CYP46A1: variants seen among roughly 807,000 people sequenced by gnomAD.
The protein encoded by CYP46A1 is cytochrome P450 family 46 subfamily A member 1.
Under a neutral mutation model 63.3 loss-of-function variants are expected in CYP46A1, and 20 were observed. The observed-to-expected ratio is 0.32, with a 90% CI of 0.22 to 0.46. CYP46A1 has a LOEUF of 0.46. CYP46A1 is among the 20% of genes least tolerant of loss of function. CYP46A1 has a pLI of 1.00. For synonymous variants in CYP46A1, 268 were observed against 273.6 expected, an observed-to-expected ratio of 0.98 and a Z score of 0.20; for missense variants, 445 against 670.8, an observed-to-expected ratio of 0.66 and a Z score of 3.72.
At chr14:99,696,850 T>G (rs538816917) in intron 3 of CYP46A1, among the ~76,000 whole-genome samples, 3 of 152,378 alleles carry the variant, frequency 2.0e-5, no homozygotes, top group African/African-American at 7.2e-5. Context: ...CTTTAGAGAT[T>G]CTTTGACTTC....
At position 99,700,489 on chromosome 14, in the gene CYP46A1, G is replaced by A. The variant is rs905469817; in HGVS notation, c.443+388G>A. ...GTTGTGCTTTGTATAACGATGTTTC[G>A]GTCAACGATGGAATGCATATGTGAC... is the stretch of plus-strand genomic sequence containing the variant. On this transcript the variant is annotated intron_variant, in intron 5 of 14. Transcript: ENST00000261835. Among the ~76,000 whole-genome samples the A allele has an allele frequency of 5.3e-5, 8 of 152,100 alleles. No homozygotes were observed. In the East Asian group the frequency reaches 7.7e-4, roughly 15 times the overall value.
intron 3 of CYP46A1, among the ~76,000 whole-genome samples, chr14:99,699,065 A>G (rs1045401915): frequency 2.0e-5 from 3 of 151,874 alleles, no homozygotes; most frequent in Non-Finnish European, 2.9e-5. Flanking sequence ...ATGTGTGCCA[A>G]GTGCCCTTCC....
At chr14:99,715,420 C>G (rs1414235358) in intron 7 of CYP46A1, among the ~76,000 whole-genome samples, 1 of 152,172 alleles carries the variant, frequency 6.6e-6, no homozygotes, top group African/African-American at 2.4e-5. Flanking sequence ...GGGACTTCGG[C>G]CCCTGAGCTT....
chr14:99,706,733 C>T lies in CYP46A1; in HGVS notation c.530C>T (p.Pro177Leu). The change falls in exon 6 of 15, where the codon CCA (proline) becomes CTA (leucine). Residue 177 changes from proline (P) to leucine (L), a missense_variant. Physicochemically the swap from Pro to Leu is moderately conservative, Grantham distance 98. Coordinates refer to ENST00000261835, the MANE Select transcript of CYP46A1 (RefSeq NM_006668.2). ...ILEAKADGQTPVSMQDMLTYT... is the reference protein window; with the variant it reads ...ILEAKADGQTLVSMQDMLTYT... ...GAAGCCAAGGCAGATGGGCAGACCC[C>T]AGTGTCCATGCAGGACATGCTGACC... 1 of 1,613,656 alleles carries T rather than the reference C, an allele frequency of 6.2e-7. No homozygotes were observed. Among genetic ancestry groups the T allele is most frequent in the Non-Finnish European group, 8.5e-7 (1 of 1,179,986 alleles).
chr14:99,710,155 G>C (rs544706436), intron 7 of CYP46A1: 1 of 152,214 alleles, frequency 6.6e-6, no homozygotes, highest in Admixed American at 6.5e-5. Flanking sequence ...CCCACTGATA[G>C]GGCAGATCAG....
Position 99,725,510 on chromosome 14 carries a change from G to A in CYP46A1, c.1265+31G>A. 1 of 1,548,056 alleles carries A rather than the reference G, an allele frequency of 6.5e-7. No individual in the cohort carries two copies. On this transcript the variant is annotated intron_variant, in intron 13 of 14. Coordinates refer to ENST00000261835, the MANE Select transcript of CYP46A1 (RefSeq NM_006668.2). The surrounding 1 kb of genome is among the most constrained non-coding windows in gnomAD (Gnocchi z 4.2). ...TCCCTCCTGGAGCTGCCCATGAGTG[G>A]GGCTGGCGGGAGAAGGACAGACACA... is the stretch of plus-strand genomic sequence containing the variant.
chr14:99,715,214 C>T (rs1217063398), intron 7 of CYP46A1, among the ~76,000 whole-genome samples: 1 of 152,164 alleles, frequency 6.6e-6, no homozygotes, highest in Non-Finnish European at 1.5e-5. Flanking sequence ...TTGACCATTG[C>T]ACATTGTATT....
intron 6 of CYP46A1, 81 bp downstream of exon 6, chr14:99,706,866 CTT>C: frequency 6.7e-7 from 1 of 1,498,406 alleles, no homozygotes. Flanking sequence ...TCCCTTCTCT[CTT>C]CCCCTCCCTC....
Position 99,722,827 on chromosome 14 carries a change from C to A in CYP46A1, c.1176+761C>A. 1 of 420,800 alleles carries A rather than the reference C, an allele frequency of 2.4e-6. No homozygotes were observed. The highest frequency in any genetic ancestry group is 4.9e-6 in the Non-Finnish European group (1 of 202,032). The allele number at this position is 420,800 out of a possible 1,614,324, so 26.1% of individuals were successfully genotyped here. A position where few individuals can be genotyped will look rare whatever the true frequency, so the allele number is the denominator to read the frequency against. On this transcript the variant is annotated intron_variant, in intron 12 of 14. Coordinates refer to ENST00000261835, the MANE Select transcript of CYP46A1 (RefSeq NM_006668.2). The surrounding 1 kb of genome is among the most constrained non-coding windows in gnomAD (Gnocchi z 4.6). ...CAGGTGACAGGCATTTGAGAGGTGT[C>A]CAGTTTGTCCCTATCTCGAGCACCA... is the stretch of plus-strand genomic sequence containing the variant.
Position 99,706,757 on chromosome 14 carries a change from C to T in CYP46A1, c.554C>T (p.Thr185Ile), listed in dbSNP as rs770584624. ...CCAGTGTCCATGCAGGACATGCTGA[C>T]CTACACCGCCATGGACATCCTGGCC... ...QTPVSMQDML[T>I]YTAMDILAKA... The change falls in exon 6 of 15, where the codon ACC becomes ATC. Residue 185 changes from threonine to isoleucine, a missense_variant. By Grantham distance (89) the Thr-to-Ile change is moderately conservative. This residue lies in a region of CYP46A1 where 252 missense variants were observed against 383.3 expected (regional missense o/e 0.66). Transcript: ENST00000261835. The T allele has an allele frequency of 1.9e-6, 3 of 1,613,224 alleles. No individual in the cohort carries two copies. The South Asian group carries it at 3.3e-5, about 18-fold the overall frequency.
intron 10 of CYP46A1, among the ~76,000 whole-genome samples, chr14:99,720,730 T>C (rs1398997170): frequency 6.6e-6 from 1 of 151,902 alleles, no homozygotes; most frequent in Non-Finnish European, 1.5e-5. Context: ...TTAGGGCCCC[T>C]GCAACATAGT....
intron 1 of CYP46A1, among the ~76,000 whole-genome samples, 196 bp from the exon 2 acceptor site, chr14:99,690,885 G>A (rs1217843108): frequency 6.6e-6 from 1 of 152,112 alleles, no homozygotes; most frequent in Non-Finnish European, 1.5e-5. Context: ...CTCCAAGGGG[G>A]TCTTTGGAGC....
intron 6 of CYP46A1, among the ~76,000 whole-genome samples, 161 bp downstream of exon 6, chr14:99,706,946 A>G (rs2056682193): frequency 6.6e-6 from 1 of 152,152 alleles, no homozygotes; most frequent in Non-Finnish European, 1.5e-5. Flanking sequence ...GTCTCCTTCA[A>G]TATTCAAAGC....
At chr14:99,689,137 T>C (rs1235633936) in intron 1 of CYP46A1, among the ~76,000 whole-genome samples, 1 of 152,164 alleles carries the variant, frequency 6.6e-6, no homozygotes, top group Non-Finnish European at 1.5e-5. Context: ...GTCTCTAGCC[T>C]ACAGCCCTTC....
At chr14:99,690,250 A>G (rs746897301) in intron 1 of CYP46A1, among the ~76,000 whole-genome samples, 19 of 152,250 alleles carry the variant, frequency 1.2e-4, no homozygotes, top group Admixed American at 6.5e-4. Context: ...GCAGTAGGAC[A>G]TAAATAACTT....
At position 99,725,264 on chromosome 14, in the gene CYP46A1, G is replaced by A. The variant is rs1004231207; in HGVS notation, c.1177-127G>A. Reference sequence around the variant, plus strand: ...ATGGACACCAACCTAGATGAGGGGTGAAGACATGGGGGGAGGAGAGTGGGA... The same window carrying A: ...ATGGACACCAACCTAGATGAGGGGTAAAGACATGGGGGGAGGAGAGTGGGA... On this transcript the variant is annotated intron_variant, in intron 12 of 14. Coordinates refer to ENST00000261835, the MANE Select transcript of CYP46A1 (RefSeq NM_006668.2). This position sits in a 1 kb window ranked among gnomAD's most constrained non-coding sequence, Gnocchi z 4.2. The A allele has an allele frequency of 2.0e-5, 14 of 694,800 alleles. No homozygotes were observed. In the African/African-American group the frequency reaches 2.3e-4, roughly 11 times the overall value. 43.0% of individuals were successfully genotyped at this position (694,800 alleles called of 1,614,324 possible).
At position 99,722,778 on chromosome 14, in the gene CYP46A1, C is replaced by T; in HGVS notation, c.1176+712C>T. On this transcript the variant is annotated intron_variant, in intron 12 of 14. Transcript: ENST00000261835. This position sits in a 1 kb window ranked among gnomAD's most constrained non-coding sequence, Gnocchi z 4.6. ...TAGGTTTCTCCACAAGGCCGTAGGA[C>T]AACCACCATCGCTGATCAGTTCTCA... is the stretch of plus-strand genomic sequence containing the variant. 5.9e-6 allele frequency: 2 copies of T among 338,802 alleles called. No individual in the cohort carries two copies. The highest frequency in any genetic ancestry group is 1.2e-5 in the Non-Finnish European group (2 of 162,286). The allele number at this position is 338,802 out of a possible 1,614,324, so 21.0% of individuals were successfully genotyped here. A position where few individuals can be genotyped will look rare whatever the true frequency, so the allele number is the denominator to read the frequency against.
chr14:99,692,205 T>C (rs1174657960), intron 3 of CYP46A1, among the ~76,000 whole-genome samples: 8 of 152,224 alleles, frequency 5.3e-5, no homozygotes, highest in African/African-American at 1.4e-4. Context: ...AGGGCTATGA[T>C]AAGAATTAAA....
In CYP46A1 at chr14:99,699,997, CGT is replaced by C. The variant is rs771095412; in HGVS notation, c.357-11_357-10del. 2 of 1,057,812 alleles carry C rather than the reference CGT, an allele frequency of 1.9e-6. No homozygotes were observed. The highest frequency in any genetic ancestry group is 4.5e-5 in the East Asian group (1 of 22,430). 65.5% of individuals were successfully genotyped at this position (1,057,812 alleles called of 1,614,324 possible). A position where few individuals can be genotyped will look rare whatever the true frequency, so the allele number is the denominator to read the frequency against. ...ACCCCCCACCCTCTTTCCCGCATCA[CGT>C]GTGTGTCTCCTACAGACTCTTCGGC... is the stretch of plus-strand genomic sequence containing the variant. On this transcript the variant is annotated splice_polypyrimidine_tract_variant and intron_variant, in intron 4 of 14. Coordinates refer to ENST00000261835, the MANE Select transcript of CYP46A1 (RefSeq NM_006668.2).
Sources: allele counts gnomAD v4.1 joint callset (sites outside exome capture counted in the v4.1 genomes callset), GRCh38; gene constraint gnomAD v4.1.1; regional missense constraint gnomAD v4.1.1; non-coding constraint Gnocchi (gnomAD v3.1); transcripts MANE v1.5; gene names NCBI Gene and HGNC (gene_info 2026-07-23, HGNC 2026-07-21).